Variants in PLPPR1 observed in about 807,000 individuals in gnomAD.
PLPPR1 encodes phospholipid phosphatase related 1.
PLPPR1 carries 10 observed loss-of-function variants against 33.1 expected under a neutral mutation model. The ratio of observed to expected loss-of-function variants is 0.30; its 90% CI spans 0.19 to 0.51. PLPPR1 has a LOEUF of 0.51. Among genes scored for constraint, PLPPR1 ranks in the 20% least tolerant of loss-of-function variants. The pLI, the probability that PLPPR1 is intolerant of heterozygous loss-of-function variation, is 0.97. For synonymous variants in PLPPR1, 151 were observed against 151.0 expected (o/e 1.00, Z 0.00); for missense variants, 304 against 408.1 (o/e 0.74, Z 2.20).
chr9:101,314,775 A>G (rs980329023), intron 6 of PLPPR1, among the ~76,000 whole-genome samples: 1 of 152,152 alleles, frequency 6.6e-6, no homozygotes, highest in Non-Finnish European at 1.5e-5. Flanking sequence ...TATCTGCAAC[A>G]TGCAATAAAG....
intron 2 of PLPPR1, among the ~76,000 whole-genome samples, chr9:101,204,929 C>A (rs763652225): frequency 6.6e-6 from 1 of 151,256 alleles, no homozygotes. Context: ...ATGGTGTGGA[C>A]GGGGAGGGGG....
chr9:101,246,410 G>A (rs1352078264), intron 2 of PLPPR1, among the ~76,000 whole-genome samples: 1 of 151,960 alleles, frequency 6.6e-6, no homozygotes, highest in Non-Finnish European at 1.5e-5. Flanking sequence ...CAACATACTA[G>A]CAAATGATAA....
intron 2 of PLPPR1, among the ~76,000 whole-genome samples, chr9:101,199,387 T>A (rs1826453510): frequency 6.6e-6 from 1 of 152,202 alleles, no homozygotes; most frequent in Non-Finnish European, 1.5e-5. Context: ...TTCCCAAGAT[T>A]TCTAACCAGC....
rs2118626229 is a variant in PLPPR1, at chr9:101,138,269, C to T, written c.-45-47181C>T. 2.0e-5 allele frequency among the ~76,000 whole-genome samples: 3 copies of T among 152,288 alleles called. No individual in the cohort carries two copies. The South Asian group carries it at 6.2e-4, about 32-fold the overall frequency. On this transcript the variant is annotated intron_variant, in intron 1 of 7. Transcript: ENST00000374874. ...AAACTGAGGTCAGTATTATCTACAT[C>T]ATAACTCACTGGCTTGTTAAAAGTC...
intron 1 of PLPPR1, among the ~76,000 whole-genome samples, chr9:101,065,127 C>T (rs1311224720): frequency 1.3e-5 from 2 of 152,008 alleles, no homozygotes; most frequent in African/African-American, 4.8e-5. Context: ...GGAATGAATC[C>T]TTGGACTTGC....
chr9:101,311,012 C>T (rs78006283), intron 5 of PLPPR1, among the ~76,000 whole-genome samples: 26,180 of 152,132 alleles, frequency 0.17, 3,118 homozygotes, highest in African/African-American at 0.33. Flanking sequence ...TCTGAAGTAT[C>T]CAACATATTT....
intron 1 of PLPPR1, among the ~76,000 whole-genome samples, chr9:101,098,317 T>TGGGGGAGG (rs200287142): frequency 0.019 from 2,923 of 151,878 alleles, 56 homozygotes; most frequent in African/African-American, 0.051. Flanking sequence ...GTAGAACGAA[T>TGGGGGAGG]AAATGAGATG....
intron 1 of PLPPR1, among the ~76,000 whole-genome samples, chr9:101,050,952 T>C (rs147865423): frequency 6.6e-6 from 1 of 152,302 alleles, no homozygotes; most frequent in East Asian, 1.9e-4. Context: ...CAATCGAGTG[T>C]TTCATCCAAA....
At chr9:101,179,869 C>T (rs1028114397) in intron 1 of PLPPR1, among the ~76,000 whole-genome samples, 4 of 151,800 alleles carry the variant, frequency 2.6e-5, no homozygotes, top group Non-Finnish European at 5.9e-5. Context: ...ACCATCTAAT[C>T]AGCTGCCAGA....
chr9:101,124,157 A>G (rs1421330741), intron 1 of PLPPR1, among the ~76,000 whole-genome samples: 1 of 152,140 alleles, frequency 6.6e-6, no homozygotes, highest in Non-Finnish European at 1.5e-5. Flanking sequence ...CCGGTTGGTG[A>G]TCCAGCTTCA....
At chr9:101,140,555 A>C (rs574385904) in intron 1 of PLPPR1, among the ~76,000 whole-genome samples, 24 of 152,310 alleles carry the variant, frequency 1.6e-4, no homozygotes, top group African/African-American at 5.3e-4. Flanking sequence ...CCATTTAAAT[A>C]GCTCTTCATC....
intron 3 of PLPPR1, among the ~76,000 whole-genome samples, chr9:101,279,478 G>A (rs959677978): frequency 2.6e-5 from 4 of 152,084 alleles, no homozygotes; most frequent in African/African-American, 9.7e-5. Flanking sequence ...TAGACCAAAT[G>A]GACTTGATAT....
At chr9:101,242,988 G>A (rs719284) in intron 2 of PLPPR1, among the ~76,000 whole-genome samples, 5,335 of 152,094 alleles carry the variant, frequency 0.035, 130 homozygotes, top group South Asian at 0.099. Flanking sequence ...AAGAGGTTTC[G>A]CAGTGCCTGT....
chr9:101,195,969 A>G (rs1429234431), intron 2 of PLPPR1, among the ~76,000 whole-genome samples: 3 of 152,226 alleles, frequency 2.0e-5, no homozygotes, highest in Non-Finnish European at 2.9e-5. Context: ...TGAACATACT[A>G]TATTTGTAAG....
intron 1 of PLPPR1, among the ~76,000 whole-genome samples, chr9:101,165,828 CTT>C (rs1030500116): frequency 6.6e-6 from 1 of 152,174 alleles, no homozygotes; most frequent in Non-Finnish European, 1.5e-5. Flanking sequence ...ATGACTCTCA[CTT>C]TAATCAATTA....
intron 2 of PLPPR1, among the ~76,000 whole-genome samples, chr9:101,198,242 C>G (rs936584874): frequency 2.2e-4 from 34 of 152,088 alleles, no homozygotes; most frequent in African/African-American, 8.0e-4. Flanking sequence ...ACTCCCATCC[C>G]CATGAACCTA....
chr9:101,059,395 T>A (rs1588011208), intron 1 of PLPPR1, among the ~76,000 whole-genome samples: 1 of 152,240 alleles, frequency 6.6e-6, no homozygotes, highest in South Asian at 2.1e-4. Flanking sequence ...TATAACAAGT[T>A]AAATTTATGA....
chr9:101,129,628 G>A (rs1009820201), intron 1 of PLPPR1, among the ~76,000 whole-genome samples: 4 of 152,090 alleles, frequency 2.6e-5, no homozygotes, highest in Admixed American at 6.5e-5. Context: ...TCAAGAGATC[G>A]AGACCATCCT....
rs561391635 is a variant in PLPPR1 at position 101,129,071 on chromosome 9, A to G, written c.-45-56379A>G. Reference sequence around the variant, plus strand: ...GTACTAAAGGTGTTCTCATTACTTTATTGTCTCCCCAGGTAGATTTTGAAC... The same window carrying G: ...GTACTAAAGGTGTTCTCATTACTTTGTTGTCTCCCCAGGTAGATTTTGAAC... On this transcript the variant is annotated intron_variant, in intron 1 of 7. Coordinates refer to ENST00000374874, the MANE Select transcript of PLPPR1 (RefSeq NM_207299.2). Among the ~76,000 whole-genome samples, 9 of 152,198 alleles carry G rather than the reference A, an allele frequency of 5.9e-5. No homozygotes were observed. The East Asian group carries it at 1.2e-3, about 20-fold the overall frequency.
Sources: allele counts gnomAD v4.1 joint callset (sites outside exome capture counted in the v4.1 genomes callset), GRCh38; gene constraint gnomAD v4.1.1; transcripts MANE v1.5; gene names NCBI Gene and HGNC (gene_info 2026-07-23, HGNC 2026-07-21).